Variants in MROH1 observed in about 807,000 individuals in gnomAD.
MROH1 encodes maestro heat like repeat family member 1.
MROH1 carries 117 observed loss-of-function variants against 116.5 expected under a neutral mutation model. The ratio of observed to expected loss-of-function variants is 1.00; its 90% CI spans 0.86 to 1.17. MROH1 has a LOEUF of 1.17. Ranked by LOEUF, MROH1 falls within the 50% of genes most tolerant of loss-of-function variation. MROH1 has a pLI of 0.00. For missense variants in MROH1, 1,873 were observed against 1,338.5 expected (o/e 1.40, Z -6.23); for synonymous variants, 921 against 583.9 (o/e 1.58, Z -8.32).
In MROH1 at chr8:144,181,278, A is replaced by AGTGATGGGGGAGGAGCCCG. The variant is rs1825586669; in HGVS notation, c.562+768_562+769insAGCCCGGTGATGGGGGAGG. On this transcript the variant is annotated intron_variant, in intron 7 of 43. Coordinates refer to ENST00000326134, the MANE Select transcript of MROH1 (RefSeq NM_032450.3). ...CCAGGCAGCAGGTGTGGGAGGACCC[A>AGTGATGGGGGAGGAGCCCG]GTGATGGGGGAGGGGCCCGGTGATG... Among the ~76,000 whole-genome samples the AGTGATGGGGGAGGAGCCCG allele has an allele frequency of 1.1e-4, 11 of 95,788 alleles. No homozygotes were observed. The Middle Eastern group carries it at 0.019, about 166-fold the overall frequency. 62.8% of individuals were successfully genotyped at this position (95,788 alleles called of 152,430 possible). A position where few individuals can be genotyped will look rare whatever the true frequency, so the allele number is the denominator to read the frequency against.
intron 4 of MROH1, among the ~76,000 whole-genome samples, chr8:144,169,661 G>T (rs900759993): frequency 6.9e-6 from 1 of 145,462 alleles, no homozygotes; most frequent in African/African-American, 2.6e-5. Flanking sequence ...TATGTTTTTT[G>T]AGATGGAATT....
rs1446337004 is a variant in MROH1, at chr8:144,157,681, T to C, written c.-176-3289T>C. Reference sequence around the variant, plus strand: ...TTTCTTTTTCTTTCTTTCTTTCTTTTTTTTTTTTTTTTTTTTGAGAAGGGG... The same window carrying C: ...TTTCTTTTTCTTTCTTTCTTTCTTTCTTTTTTTTTTTTTTTTGAGAAGGGG... On this transcript the variant is annotated intron_variant, in intron 1 of 43. Transcript: ENST00000326134. Among the ~76,000 whole-genome samples, 477 of 146,690 alleles carry C rather than the reference T, an allele frequency of 3.3e-3. 3 individuals carry two copies. Among genetic ancestry groups the C allele is most frequent in the East Asian group, 0.011 (54 of 5,114 alleles).
intron 14 of MROH1, among the ~76,000 whole-genome samples, chr8:144,234,210 C>T (rs929676753): frequency 6.6e-6 from 1 of 151,992 alleles, no homozygotes; most frequent in Non-Finnish European, 1.5e-5. Flanking sequence ...GGGGTTTCAC[C>T]GTGTTAGCCA....
At chr8:144,181,056 C>A (rs1378430775) in intron 7 of MROH1, among the ~76,000 whole-genome samples, 1 of 152,068 alleles carries the variant, frequency 6.6e-6, no homozygotes, top group African/African-American at 2.4e-5. Context: ...GAGGGCATTT[C>A]TGTTAGAAGG....
chr8:144,219,230 G>A (rs190717933), intron 12 of MROH1, among the ~76,000 whole-genome samples: 31 of 152,172 alleles, frequency 2.0e-4, no homozygotes, highest in African/African-American at 7.0e-4. Flanking sequence ...CACTGTGTTA[G>A]CCAGGATGGT....
rs1420441937 is a variant in MROH1 at position 144,215,726 on chromosome 8, AG to A, written c.1142-4873del. 4.0e-5 allele frequency among the ~76,000 whole-genome samples: 6 copies of A among 151,790 alleles called. No individual in the cohort carries two copies. The East Asian group carries it at 1.2e-3, about 30-fold the overall frequency. ...CTCTACTAAAAATACAATGAAAATT[AG>A]CCGGGCGTGGTGGCGGGCACCTGTA... is the stretch of plus-strand genomic sequence containing the variant. On this transcript the variant is annotated intron_variant, in intron 12 of 43. Coordinates refer to ENST00000326134, the MANE Select transcript of MROH1 (RefSeq NM_032450.3).
intron 32 of MROH1, among the ~76,000 whole-genome samples, chr8:144,249,854 G>A (rs1842554676): frequency 6.6e-6 from 1 of 152,144 alleles, no homozygotes; most frequent in African/African-American, 2.4e-5. Flanking sequence ...GGGCCTGCCA[G>A]GGGAGCCTGA....
intron 12 of MROH1, chr8:144,214,168 C>T (rs1366420934): frequency 6.6e-6 from 1 of 152,256 alleles, no homozygotes; most frequent in Non-Finnish European, 1.5e-5. Context: ...GGAGGCTCTT[C>T]CAGCCTGGAA....
At chr8:144,257,210 A>G (rs1305790795) in intron 35 of MROH1, among the ~76,000 whole-genome samples, 1 of 152,204 alleles carries the variant, frequency 6.6e-6, no homozygotes, top group Non-Finnish European at 1.5e-5. Flanking sequence ...TCAGGCCCCA[A>G]CACTGGAACC....
rs184009020 is a variant in MROH1, at chr8:144,185,966, C to T, written c.563-4818C>T. Among the ~76,000 whole-genome samples, 294 of 152,062 alleles carry T rather than the reference C, an allele frequency of 1.9e-3. 3 individuals carry two copies. The highest frequency in any genetic ancestry group is 6.8e-3 in the African/African-American group (280 of 41,466). On this transcript the variant is annotated intron_variant, in intron 7 of 43. Coordinates refer to ENST00000326134, the MANE Select transcript of MROH1 (RefSeq NM_032450.3). ...CCAGCAAGGGCCGCCGAGGGGACCG[C>T]GTGCCCAGTGCAGCCACCTCTGAAA...
chr8:144,230,802 CT>C (rs1161687289), intron 14 of MROH1, among the ~76,000 whole-genome samples: 4,249 of 68,666 alleles, frequency 0.062, 98 homozygotes, highest in African/African-American at 0.1. Flanking sequence ...AAAAGGTTTT[CT>C]TTTTTTTTTT....
intron 7 of MROH1, among the ~76,000 whole-genome samples, chr8:144,190,503 C>T (rs1354986379): frequency 1.3e-5 from 2 of 152,120 alleles, no homozygotes; most frequent in Non-Finnish European, 2.9e-5. Context: ...CTGGGTGACA[C>T]AGCAAGACTG....
intron 12 of MROH1, 31 bp downstream of exon 12, chr8:144,200,572 C>A (rs575263215): frequency 4.7e-5 from 69 of 1,467,264 alleles, no homozygotes; most frequent in Non-Finnish European, 4.8e-5. Context: ...CTGGCCGCCA[C>A]CCCTGGCCAT....
intron 28 of MROH1, among the ~76,000 whole-genome samples, chr8:144,244,848 G>T (rs1205855844): frequency 6.6e-6 from 1 of 152,186 alleles, no homozygotes; most frequent in Non-Finnish European, 1.5e-5. Context: ...CTAGGGTGGG[G>T]CCGACCCCCA....
rs894642231 is a variant in MROH1 at position 144,235,632 on chromosome 8, C to T, written c.1339-3124C>T. 3.1e-3 allele frequency among the ~76,000 whole-genome samples: 469 copies of T among 152,032 alleles called. 3 individuals are homozygous for T. Among genetic ancestry groups the T allele is most frequent in the African/African-American group, 0.01 (428 of 41,490 alleles). On this transcript the variant is annotated intron_variant, in intron 14 of 43. Transcript: ENST00000326134. ...TGTTCTTTATTTTAGTGATATGGTG[C>T]ATTTCATTAAGTGATTTTCAGATGT...
At chr8:144,234,166 C>T (rs562665282) in intron 14 of MROH1, among the ~76,000 whole-genome samples, 24 of 152,174 alleles carry the variant, frequency 1.6e-4, no homozygotes, top group South Asian at 8.3e-4. Flanking sequence ...CCTGCAACCA[C>T]GCCCCGCTAA....
At chr8:144,200,022 A>G (rs1389481929) in intron 11 of MROH1, among the ~76,000 whole-genome samples, 1 of 152,178 alleles carries the variant, frequency 6.6e-6, no homozygotes, top group Non-Finnish European at 1.5e-5. Context: ...CTTGGGCTGC[A>G]TTAGCCCTGC....
intron 14 of MROH1, among the ~76,000 whole-genome samples, chr8:144,231,016 G>A (rs1269044370): frequency 2.5e-4 from 34 of 138,548 alleles, no homozygotes; most frequent in African/African-American, 8.9e-4. Flanking sequence ...GACTCTTAAC[G>A]AGCATGCTGC....
intron 14 of MROH1, among the ~76,000 whole-genome samples, chr8:144,227,466 G>A (rs551716402): frequency 6.6e-4 from 100 of 151,822 alleles, no homozygotes; most frequent in African/African-American, 2.2e-3. Context: ...ACAATCTGGC[G>A]AAACCCCATT....
Sources: gnomAD v4.1 joint callset for allele counts (sites outside exome capture counted in the v4.1 genomes callset) on GRCh38, gnomAD v4.1.1 for gene constraint, MANE v1.5 for transcripts, NCBI Gene and HGNC (gene_info 2026-07-23, HGNC 2026-07-21) for gene names.